The following YIPF6 variants were observed in gnomAD, a reference collection of about 807,000 sequenced individuals.
YIPF6 encodes Yip1 domain family member 6.
In YIPF6, 3 loss-of-function variants were observed where a neutral mutation model predicts 16.8. The observed-to-expected ratio is 0.18, with a 90% CI of 0.08 to 0.46. The LOEUF is 0.46. YIPF6 is among the 20% of genes least tolerant of loss of function. The pLI is 0.98. For synonymous variants in YIPF6, 67 were observed against 61.9 expected, an observed-to-expected ratio of 1.08 and a Z score of -0.38; for missense variants, 145 against 184.9, an observed-to-expected ratio of 0.78 and a Z score of 1.25.
At chrX:68,504,087 C>G (rs1375703858) in intron 1 of YIPF6, among the ~76,000 whole-genome samples, 1 of 112,167 alleles carries the variant, frequency 8.9e-6, no homozygotes, top group African/African-American at 3.2e-5. Context: ...CTTAAAATTA[C>G]AGTTTTATTA....
chrX:68,531,727 G>A (rs771372171), intron 6 of YIPF6, among the ~76,000 whole-genome samples, 154 bp from the exon 7 acceptor site: 5 of 112,136 alleles, frequency 4.5e-5, no homozygotes, highest in African/African-American at 1.6e-4. Flanking sequence ...GTTGCAGAAT[G>A]CCTTTATCTC....
At chrX:68,502,439 T>C (rs935927676) in intron 1 of YIPF6, among the ~76,000 whole-genome samples, 1 of 111,557 alleles carries the variant, frequency 9.0e-6, no homozygotes, top group Non-Finnish European at 1.9e-5. Context: ...GGGCCCGAGA[T>C]TTTGCATTTC....
At chrX:68,507,391 A>G (rs2147818530) in intron 1 of YIPF6, among the ~76,000 whole-genome samples, 1 of 111,764 alleles carries the variant, frequency 8.9e-6, no homozygotes, top group Admixed American at 9.6e-5. Context: ...CATTTCTTGT[A>G]GAATATATTT....
chrX:68,515,834 A>T (rs1191718484), intron 3 of YIPF6, among the ~76,000 whole-genome samples: 1 of 111,092 alleles, frequency 9.0e-6, no homozygotes, highest in African/African-American at 3.3e-5. Flanking sequence ...TAATTTTTAA[A>T]TTTTTTTGTC....
intron 1 of YIPF6, among the ~76,000 whole-genome samples, chrX:68,502,558 T>C (rs1178562353): frequency 9.0e-6 from 1 of 110,734 alleles, no homozygotes; most frequent in Non-Finnish European, 1.9e-5. Context: ...AAATAGATAA[T>C]ATATAAGGAG....
intron 3 of YIPF6, among the ~76,000 whole-genome samples, chrX:68,515,877 G>T (rs1214646778): frequency 9.0e-6 from 1 of 111,405 alleles, no homozygotes; most frequent in African/African-American, 3.3e-5. Flanking sequence ...TAATCCCAGC[G>T]CTTTGGCAGG....
In YIPF6 at chrX:68,513,460, G is replaced by A. The variant is rs1364426867; in HGVS notation, c.265+55G>A. 1.3e-5 allele frequency: 11 copies of A among 854,815 alleles called. No homozygotes were observed. The South Asian group carries it at 1.5e-4, about 12-fold the overall frequency. The allele number at this position is 854,815 out of a possible 1,213,427, so 70.4% of individuals were successfully genotyped here. A position where few individuals can be genotyped will look rare whatever the true frequency, so the allele number is the denominator to read the frequency against. ...TTAATCTATCTCACTGTACCTTATC[G>A]TAAGTACTTTATAAGGCAAAGTCTC... On this transcript the variant is annotated intron_variant, in intron 3 of 6. Transcript: ENST00000462683.
chrX:68,508,924 ATC>A (rs1402429510), intron 1 of YIPF6, among the ~76,000 whole-genome samples: 2 of 111,184 alleles, frequency 1.8e-5, no homozygotes, highest in African/African-American at 6.5e-5. Context: ...GAAGTGGCAC[ATC>A]TCTGCTGCTG....
chrX:68,515,705 G>A (rs1322852778), intron 3 of YIPF6, among the ~76,000 whole-genome samples: 1 of 108,980 alleles, frequency 9.2e-6, no homozygotes, highest in African/African-American at 3.3e-5. Context: ...ATCTTGTTCT[G>A]TCACTCAGGC....
chrX:68,501,428 G>A (rs946833660), intron 1 of YIPF6, among the ~76,000 whole-genome samples: 4 of 111,687 alleles, frequency 3.6e-5, no homozygotes, highest in African/African-American at 1.3e-4. Context: ...CATCCTCTGC[G>A]TATTTGCTAC....
In YIPF6 at chrX:68,513,396, T is replaced by A. The variant is rs762911389; in HGVS notation, c.256T>A (p.Leu86Met). The change falls in exon 3 of 7, where the codon TTG (leucine) becomes ATG (methionine). Residue 86 changes from leucine to methionine, a missense_variant. Coordinates refer to ENST00000462683, the MANE Select transcript of YIPF6 (RefSeq NM_173834.4). ...VLYPRKSNTL[L>M]RDWDLWGPLI... ...GTACCCAAGGAAAAGTAATACTCTT[T>A]TGAGAGATTGTAAGTATATGAGGTT... The A allele has an allele frequency of 7.5e-6, 9 of 1,197,739 alleles. No individual in the cohort carries two copies. Among genetic ancestry groups the A allele is most frequent in the Non-Finnish European group, 9.0e-6 (8 of 886,870 alleles).
chrX:68,524,652 CT>C (rs2079140224), intron 6 of YIPF6, among the ~76,000 whole-genome samples: 1 of 109,376 alleles, frequency 9.1e-6, no homozygotes, highest in African/African-American at 3.3e-5. Context: ...GGTATTTCTC[CT>C]AATGCTATTC....
chrX:68,508,748 A>G (rs2079069137), intron 1 of YIPF6, among the ~76,000 whole-genome samples: 2 of 112,280 alleles, frequency 1.8e-5, no homozygotes, highest in East Asian at 5.6e-4. Context: ...TTGCATATTA[A>G]ACATAGTAAT....
At chrX:68,499,416 G>T (rs1028404684) in intron 1 of YIPF6, among the ~76,000 whole-genome samples, 1 of 111,961 alleles carries the variant, frequency 8.9e-6, no homozygotes, top group African/African-American at 3.2e-5. Context: ...AACTTTAGGT[G>T]ATTTCTTAAG....
chrX:68,527,154 T>G (rs1450917656), intron 6 of YIPF6, among the ~76,000 whole-genome samples: 10 of 111,863 alleles, frequency 8.9e-5, no homozygotes. Context: ...TTTCAGAACT[T>G]ATTATTGGTC....
intron 2 of YIPF6, among the ~76,000 whole-genome samples, chrX:68,512,847 G>A (rs1033054798): frequency 3.8e-5 from 2 of 52,842 alleles, no homozygotes; most frequent in African/African-American, 7.2e-5. Flanking sequence ...TTTTTTTTTT[G>A]TATCTGGCAT....
intron 1 of YIPF6, among the ~76,000 whole-genome samples, chrX:68,500,274 T>C (rs992648829): frequency 8.9e-6 from 1 of 111,800 alleles, no homozygotes; most frequent in African/African-American, 3.2e-5. Flanking sequence ...TTTAGTTATA[T>C]AGTAGTTGCT....
intron 1 of YIPF6, among the ~76,000 whole-genome samples, chrX:68,506,227 G>A (rs1215924279): frequency 9.3e-6 from 1 of 107,856 alleles, no homozygotes; most frequent in African/African-American, 3.4e-5. Flanking sequence ...GGGCAACAGA[G>A]TGAGACTCCA....
chrX:68,515,340 TAAA>T (rs1297483960), intron 3 of YIPF6: 1 of 93,602 alleles, frequency 1.1e-5, no homozygotes, highest in African/African-American at 5.6e-5. Context: ...AAAAAAAAAA[TAAA>T]AAAAATAAAA....
Sources: allele counts gnomAD v4.1 joint callset (sites outside exome capture counted in the v4.1 genomes callset), GRCh38; gene constraint gnomAD v4.1.1; transcripts MANE v1.5; gene names NCBI Gene and HGNC (gene_info 2026-07-23, HGNC 2026-07-21).